The following IFI16 variants were observed in gnomAD, a reference collection of about 807,000 sequenced individuals.
IFI16 encodes gamma-interferon-inducible protein 16.
In IFI16, 49 loss-of-function variants were observed where a neutral mutation model predicts 68.4. That is an observed-to-expected ratio of 0.72 (90% CI 0.57 to 0.91). The LOEUF is 0.91. Ranked by LOEUF, IFI16 falls within the 40% of genes least tolerant of loss-of-function variation. The pLI, the probability that IFI16 is intolerant of heterozygous loss-of-function variation, is 0.00. For missense variants in IFI16, 878 were observed against 942.9 expected (o/e 0.93, Z 0.90); for synonymous variants, 307 against 315.0 (o/e 0.97, Z 0.27).
intron 10 of IFI16, 33 bp downstream of exon 10, chr1:159,052,131 C>T (rs759469122): frequency 6.5e-7 from 1 of 1,528,724 alleles, no homozygotes; most frequent in South Asian, 1.2e-5. Flanking sequence ...TAAAATTTCT[C>T]CTGCAACCTC....
intron 1 of IFI16, 136 bp from the exon 2 acceptor site, chr1:159,014,525 T>A: frequency 1.9e-6 from 1 of 530,554 alleles, no homozygotes; most frequent in Admixed American, 3.6e-5. Flanking sequence ...CAGTAACACA[T>A]TTGGTCGTTG....
chr1:159,011,093 C>T (rs1427584369), intron 1 of IFI16, among the ~76,000 whole-genome samples: 1 of 151,952 alleles, frequency 6.6e-6, no homozygotes, highest in African/African-American at 2.4e-5. Flanking sequence ...ATAAAGTTTG[C>T]TTTTTTGGCC....
Position 159,032,573 on chromosome 1 carries a change from T to C in IFI16, c.1211T>C (p.Leu404Pro). 1 of 1,611,458 alleles carries C rather than the reference T, an allele frequency of 6.2e-7. No individual in the cohort carries two copies. The highest frequency in any genetic ancestry group is 8.5e-7 in the Non-Finnish European group (1 of 1,178,696). ...PRNNDPKSMK[L>P]PQEQRQLPYP... is the part of the protein sequence containing the mutation. ...AACAATGACCCCAAGAGCATGAAGC[T>C]ACCCCAGGAACAGCGTCAGCTTCCA... Residue 404 changes from leucine to proline, a missense_variant, in exon 7 of 12, where the codon CTA becomes CCA. This residue lies in a region of IFI16 where 443 missense variants were observed against 421.8 expected (regional missense o/e 1.05). Coordinates refer to ENST00000295809, the MANE Select transcript of IFI16 (RefSeq NM_001376587.1).
Position 159,051,870 on chromosome 1 carries a change from C to A in IFI16, c.1857C>A (p.Asp619Glu). The change falls in exon 10 of 12, where the codon GAC becomes GAA. Residue 619 changes from aspartate to glutamate, a missense_variant. Coordinates refer to ENST00000295809, the MANE Select transcript of IFI16 (RefSeq NM_001376587.1). The part of the protein sequence containing the change: ...EVFRVKVFNI[D>E]LKEKFTPKKI... ...TCCGAGTGAAGGTTTTTAATATTGACCTAAAGGAGAAGTTCACCCCAAAGA... is the reference window on the plus strand; with the variant it reads ...TCCGAGTGAAGGTTTTTAATATTGAACTAAAGGAGAAGTTCACCCCAAAGA... 1.2e-6 allele frequency: 2 copies of A among 1,613,924 alleles called. No homozygotes were observed. Among genetic ancestry groups the A allele is most frequent in the Non-Finnish European group, 1.7e-6 (2 of 1,179,886 alleles).
At chr1:159,031,009 A>C (rs530173695) in intron 6 of IFI16, among the ~76,000 whole-genome samples, 2 of 151,898 alleles carry the variant, frequency 1.3e-5, no homozygotes, top group Non-Finnish European at 2.9e-5. Context: ...GGGAAAGCTG[A>C]TGCTGCTGTG....
Position 159,045,464 on chromosome 1 carries a change from G to T in IFI16, c.1497G>T (p.Thr499=), listed in dbSNP as rs373627870. 128 of 1,602,228 alleles carry T rather than the reference G, an allele frequency of 8.0e-5. 7 individuals carry two copies. The highest frequency in any genetic ancestry group is 1.0e-4 in the Non-Finnish European group (123 of 1,173,142). ...PSTPSSSFLT[T]KSEDTISKMN... ...CACCAAGCAGCAGTTTCTTAACCAC[G>T]GTACAAGTTCCCTCTTCCCAATACA... Residue 499 remains threonine, a splice_region_variant and synonymous_variant, in exon 8 of 12, where the codon ACG becomes ACT. Transcript: ENST00000295809.
At position 159,053,899 on chromosome 1, in the gene IFI16, CATA is replaced by C. The variant is rs1001072883; in HGVS notation, c.2277+180_2277+182del. On this transcript the variant is annotated intron_variant, in intron 11 of 11. Transcript: ENST00000295809. ...GTTTTTAAAGAAGGATACTTGTAAT[CATA>C]ATAAAAAAAATTACAGAGACTTTCA... 1.4e-4 allele frequency among the ~76,000 whole-genome samples: 21 copies of C among 152,118 alleles called. No individual in the cohort carries two copies. The South Asian group carries it at 3.3e-3, about 24-fold the overall frequency.
chr1:159,023,442 A>G (rs1271896537), intron 6 of IFI16, among the ~76,000 whole-genome samples: 4 of 151,936 alleles, frequency 2.6e-5, no homozygotes, highest in Admixed American at 2.6e-4. Context: ...TAGTTTATTT[A>G]GTCTACTTAA....
In IFI16 at chr1:159,037,208, A is replaced by G. The variant is rs560468731; in HGVS notation, c.1329+4517A>G. 2.3e-4 allele frequency among the ~76,000 whole-genome samples: 35 copies of G among 152,360 alleles called. 1 individual carries two copies. Among genetic ancestry groups the G allele is most frequent in the Non-Finnish European group, 1.5e-5 (1 of 68,038 alleles). On this transcript the variant is annotated intron_variant, in intron 7 of 11. Transcript: ENST00000295809. ...TCCCAATTGCCTAAATATGTGATAC[A>G]GCAATTTCTGCAGCCATAGGAATCA...
intron 10 of IFI16, chr1:159,053,325 A>C (rs2101938565): frequency 2.5e-6 from 1 of 393,320 alleles, no homozygotes. Flanking sequence ...CAGCAGACAA[A>C]GAACTTCAAC....
rs1655473785 is a variant in IFI16, at chr1:159,053,321, A to G, written c.2086-212A>G. The G allele has an allele frequency of 1.3e-5, 5 of 390,660 alleles. No individual in the cohort carries two copies. In the East Asian group the frequency reaches 1.5e-4, roughly 12 times the overall value. The allele number at this position is 390,660 out of a possible 1,614,324, so 24.2% of individuals were successfully genotyped here. ...TTTTTTCCTAGAAAAAATCCAGCAG[A>G]CAAAGAACTTCAACAAAAGAGGCTC... On this transcript the variant is annotated intron_variant, in intron 10 of 11. Coordinates refer to ENST00000295809, the MANE Select transcript of IFI16 (RefSeq NM_001376587.1).
chr1:159,032,832 A>C (rs554141796), intron 7 of IFI16, 141 bp downstream of exon 7: 1 of 683,882 alleles, frequency 1.5e-6, no homozygotes, highest in African/African-American at 1.8e-5. Context: ...TCAATCATTT[A>C]TTGAATTCAT....
chr1:159,053,496 C>T (rs763654118), intron 10 of IFI16, 37 bp from the exon 11 acceptor site: 3 of 1,406,362 alleles, frequency 2.1e-6, no homozygotes, highest in South Asian at 2.4e-5. Context: ...AATTATTGAT[C>T]CAGTTTCAGA....
chr1:159,016,188 A>G (rs1571836959), intron 3 of IFI16, among the ~76,000 whole-genome samples: 1 of 152,246 alleles, frequency 6.6e-6, no homozygotes. Context: ...ATGTAAATAT[A>G]TATAACATAA....
At chr1:159,007,954 T>A (rs1652320948), upstream of IFI16, among the ~76,000 whole-genome samples, 1 of 152,204 alleles carries the variant, frequency 6.6e-6, no homozygotes, top group African/African-American at 2.4e-5. Context: ...AAAACCAGTG[T>A]GCAATAGGTC....
chr1:159,010,921 A>G (rs568646750), intron 1 of IFI16, among the ~76,000 whole-genome samples: 1 of 152,312 alleles, frequency 6.6e-6, no homozygotes, highest in South Asian at 2.1e-4. Flanking sequence ...GCCTGGTACA[A>G]TATTTCATGT....
Position 159,016,549 on chromosome 1 carries a change from C to G in IFI16, c.398C>G (p.Thr133Ser), listed in dbSNP as rs1341183269. Residue 133 changes from threonine (T) to serine (S), a missense_variant, in exon 4 of 12, where the codon ACC (threonine) becomes AGC (serine). Thr to Ser is a moderately conservative substitution (Grantham distance 58). Transcript: ENST00000295809. ...TPGAQKRKKSTKEKAGPKGSK... is the reference protein window; with the variant it reads ...TPGAQKRKKSSKEKAGPKGSK... ...CACTTTCAGAAAAGAAAAAAATCAA[C>G]CAAAGAAAAGGCTGGACCCAAAGGG... 6.2e-7 allele frequency: 1 copy of G among 1,600,872 alleles called. No individual in the cohort carries two copies.
intron 6 of IFI16, among the ~76,000 whole-genome samples, chr1:159,030,878 G>GGA (rs1653958601): frequency 6.8e-6 from 1 of 146,732 alleles, no homozygotes. Flanking sequence ...GTGGTGGGTG[G>GGA]GGGGGCCACA....
In IFI16 at chr1:159,020,480, A is replaced by G; in HGVS notation, c.1112A>G (p.Lys371Arg). 1 of 1,613,610 alleles carries G rather than the reference A, an allele frequency of 6.2e-7. No individual in the cohort carries two copies. The highest frequency in any genetic ancestry group is 8.5e-7 in the Non-Finnish European group (1 of 1,179,698). Reference protein sequence around the residue: ...KLQLFCFRLRKKNQMSKLISE... With the variant: ...KLQLFCFRLRRKNQMSKLISE... Reference sequence around the variant, plus strand: ...CAACTTTTCTGCTTTCGACTTAGAAAAAAGAACCAGATGTCAAAACTGATT... The same window carrying G: ...CAACTTTTCTGCTTTCGACTTAGAAGAAAGAACCAGATGTCAAAACTGATT... The change falls in exon 6 of 12, where the codon AAA (lysine) becomes AGA (arginine). Residue 371 changes from lysine to arginine, a missense_variant. By Grantham distance (26) the Lys-to-Arg change is conservative (BLOSUM62 2). Transcript: ENST00000295809.
Sources: gnomAD v4.1 joint callset for allele counts (sites outside exome capture counted in the v4.1 genomes callset) on GRCh38, gnomAD v4.1.1 for gene constraint, gnomAD v4.1.1 regional missense constraint, MANE v1.5 for transcripts, NCBI Gene and HGNC (gene_info 2026-07-23, HGNC 2026-07-21) for gene names.